CALCRL: variants seen among roughly 807,000 people sequenced by gnomAD.
CALCRL encodes calcitonin gene-related peptide type 1 receptor.
A neutral mutation model predicts 60.4 loss-of-function variants in CALCRL; 27 were observed. That is an observed-to-expected ratio of 0.45 (90% CI 0.33 to 0.62). CALCRL has a LOEUF of 0.62. CALCRL is among the 20% of genes least tolerant of loss of function. CALCRL has a pLI of 0.03. For missense variants in CALCRL, 424 were observed against 540.7 expected, an observed-to-expected ratio of 0.78 and a Z score of 2.14; for synonymous variants, 190 against 182.6, an observed-to-expected ratio of 1.04 and a Z score of -0.33.
intron 1 of CALCRL, among the ~76,000 whole-genome samples, chr2:187,407,768 A>T (rs530096723): frequency 8.2e-4 from 125 of 152,122 alleles, no homozygotes; most frequent in Non-Finnish European, 1.4e-3. Flanking sequence ...AACATATTGC[A>T]TTTAAAAAAT....
chr2:187,355,682 T>A (rs565818550), intron 12 of CALCRL, among the ~76,000 whole-genome samples: 2 of 152,040 alleles, frequency 1.3e-5, no homozygotes, highest in Admixed American at 1.3e-4. Flanking sequence ...AAATAAAGGG[T>A]ATTTGAATAG....
intron 1 of CALCRL, among the ~76,000 whole-genome samples, chr2:187,441,527 A>C (rs1317975947): frequency 1.3e-5 from 2 of 151,982 alleles, no homozygotes; most frequent in African/African-American, 2.4e-5. Context: ...GACACCTAGC[A>C]TAGGGCCAGG....
At chr2:187,440,289 G>A (rs1013291182) in intron 1 of CALCRL, among the ~76,000 whole-genome samples, 5 of 152,036 alleles carry the variant, frequency 3.3e-5, no homozygotes, top group African/African-American at 9.7e-5. Flanking sequence ...ATTTCTGTAA[G>A]GAAAAATGTA....
At chr2:187,403,457 G>A (rs764887914) in intron 1 of CALCRL, among the ~76,000 whole-genome samples, 16 of 151,876 alleles carry the variant, frequency 1.1e-4, no homozygotes, top group Non-Finnish European at 2.2e-4. Flanking sequence ...CACGCCCATC[G>A]TCATAGGACA....
chr2:187,380,875 G>T, intron 5 of CALCRL, 88 bp from the exon 6 acceptor site: 1 of 914,190 alleles, frequency 1.1e-6, no homozygotes, highest in Non-Finnish European at 1.7e-6. Context: ...ACACTGATGT[G>T]GAGTAAAGGC....
rs549778903 is a variant in CALCRL, at chr2:187,426,260, C to T, written c.-293+21779G>A. 2.7e-5 allele frequency among the ~76,000 whole-genome samples: 4 copies of T among 148,026 alleles called. 1 individual carries two copies. In the South Asian group the frequency reaches 6.3e-4, roughly 23 times the overall value. On this transcript the variant is annotated intron_variant, in intron 1 of 14. Transcript: ENST00000392370. ...ATTTATTATTTTTTTTTTTTGCAGACGTGTGCATTGCTGTGATGTAAATCT... is the reference window on the plus strand; with the variant it reads ...ATTTATTATTTTTTTTTTTTGCAGATGTGTGCATTGCTGTGATGTAAATCT...
intron 1 of CALCRL, among the ~76,000 whole-genome samples, chr2:187,401,949 A>AGTATAGTT (rs1688904938): frequency 1.3e-5 from 2 of 151,354 alleles, no homozygotes; most frequent in Non-Finnish European, 3.0e-5. Flanking sequence ...GGAAAGAAGG[A>AGTATAGTT]AGGAAGAAAG....
At chr2:187,384,289 A>G (rs376073394) in intron 4 of CALCRL, among the ~76,000 whole-genome samples, 23 of 152,312 alleles carry the variant, frequency 1.5e-4, no homozygotes, top group East Asian at 1.4e-3. Context: ...AATACATGGA[A>G]ATGTAGAACA....
intron 1 of CALCRL, among the ~76,000 whole-genome samples, chr2:187,393,025 T>A (rs1688513745): frequency 6.6e-6 from 1 of 152,170 alleles, no homozygotes; most frequent in African/African-American, 2.4e-5. Context: ...GATATAAGAT[T>A]ATAACTCAAG....
chr2:187,360,534 ACCT>A, intron 10 of CALCRL, 61 bp downstream of exon 10: 1 of 1,379,560 alleles, frequency 7.2e-7, no homozygotes, highest in Non-Finnish European at 9.9e-7. Flanking sequence ...TTACAAAGGA[ACCT>A]GGCATCCTCC....
chr2:187,363,581 C>T, intron 8 of CALCRL, 79 bp from the exon 9 acceptor site: 1 of 1,317,838 alleles, frequency 7.6e-7, no homozygotes, highest in Non-Finnish European at 1.0e-6. Flanking sequence ...GATACATTCC[C>T]AATTCATAGC....
intron 1 of CALCRL, among the ~76,000 whole-genome samples, chr2:187,441,320 G>A (rs1025466592): frequency 1.3e-5 from 2 of 151,836 alleles, no homozygotes; most frequent in East Asian, 3.9e-4. Flanking sequence ...CAGACATTAA[G>A]AGATCTGATT....
chr2:187,382,537 T>A (rs902667275), intron 5 of CALCRL, among the ~76,000 whole-genome samples: 1 of 152,210 alleles, frequency 6.6e-6, no homozygotes, highest in African/African-American at 2.4e-5. Context: ...ATTTTGAAGA[T>A]AACCCTTTCT....
intron 1 of CALCRL, among the ~76,000 whole-genome samples, chr2:187,404,437 G>C (rs1689027954): frequency 6.6e-6 from 1 of 151,194 alleles, no homozygotes; most frequent in Non-Finnish European, 1.5e-5. Context: ...TTTTATAAAA[G>C]TTCAAATCAT....
intron 1 of CALCRL, among the ~76,000 whole-genome samples, chr2:187,413,727 T>A (rs1246971530): frequency 6.6e-6 from 1 of 152,204 alleles, no homozygotes; most frequent in African/African-American, 2.4e-5. Flanking sequence ...CTGTGATTTA[T>A]ATTTCAGTAG....
chr2:187,399,828 T>C (rs1364790434), intron 1 of CALCRL, among the ~76,000 whole-genome samples: 1 of 149,740 alleles, frequency 6.7e-6, no homozygotes. Context: ...CATTATGTCA[T>C]GTGAAATAAG....
At chr2:187,370,718 T>A (rs1687481572) in intron 8 of CALCRL, among the ~76,000 whole-genome samples, 1 of 152,182 alleles carries the variant, frequency 6.6e-6, no homozygotes, top group Admixed American at 6.5e-5. Flanking sequence ...AGGTTAATGT[T>A]AAAGCATGTC....
intron 1 of CALCRL, among the ~76,000 whole-genome samples, chr2:187,416,763 A>G (rs1274336152): frequency 6.6e-6 from 1 of 152,106 alleles, no homozygotes; most frequent in Admixed American, 6.6e-5. Context: ...CTGTAATTCA[A>G]TGTATATGTT....
At chr2:187,421,638 T>G (rs1222480230) in intron 1 of CALCRL, among the ~76,000 whole-genome samples, 1 of 152,246 alleles carries the variant, frequency 6.6e-6, no homozygotes, top group Non-Finnish European at 1.5e-5. Flanking sequence ...TGCTACATTC[T>G]GTGCACAACT....
Sources: gnomAD v4.1 joint callset for allele counts (sites outside exome capture counted in the v4.1 genomes callset) on GRCh38, gnomAD v4.1.1 for gene constraint, MANE v1.5 for transcripts, NCBI Gene and HGNC (gene_info 2026-07-23, HGNC 2026-07-21) for gene names.